The following KIAA1671 variants were observed in gnomAD, a reference collection of about 807,000 sequenced individuals.
The protein encoded by KIAA1671 is uncharacterized protein KIAA1671.
KIAA1671 carries 52 observed loss-of-function variants against 131.2 expected under a neutral mutation model. That is an observed-to-expected ratio of 0.40 (90% CI 0.32 to 0.50). The LOEUF (loss-of-function observed/expected upper bound fraction) is 0.50. KIAA1671 is among the 20% of genes least tolerant of loss of function. The pLI is 0.73. For synonymous variants in KIAA1671, 1,003 were observed against 961.6 expected (o/e 1.04, Z -0.80); for missense variants, 2,360 against 2,364.2 (o/e 1.00, Z 0.04).
At chr22:25,155,935 AAT>A (rs1205399917) in intron 6 of KIAA1671, among the ~76,000 whole-genome samples, 4 of 137,642 alleles carry the variant, frequency 2.9e-5, no homozygotes, top group Non-Finnish European at 6.3e-5. Flanking sequence ...TATTTATATA[AAT>A]ATATATAAAT....
rs1926071026 is a variant in KIAA1671, at chr22:25,028,333, G to A, written c.334G>A (p.Gly112Ser). ...AAKDLDNRMPGLVGQEVGSGE... is the reference protein window; with the variant it reads ...AAKDLDNRMPSLVGQEVGSGE... ...AAAGGATCTGGACAACAGGATGCCC[G>A]GCTTGGTGGGGCAGGAGGTGGGCAG... is the stretch of plus-strand genomic sequence containing the variant. The change falls in exon 3 of 13, where the codon GGC (glycine) becomes AGC (serine). Residue 112 changes from glycine (G) to serine (S), a missense_variant. By Grantham distance (56) the Gly-to-Ser change is moderately conservative. Coordinates refer to ENST00000358431, the MANE Select transcript of KIAA1671 (RefSeq NM_001145206.2). 1.9e-6 allele frequency: 3 copies of A among 1,550,680 alleles called. No individual in the cohort carries two copies. Among genetic ancestry groups the A allele is most frequent in the South Asian group, 1.2e-5 (1 of 84,068 alleles).
intron 6 of KIAA1671, among the ~76,000 whole-genome samples, chr22:25,093,838 GTCTC>G (rs56200570): frequency 0.067 from 1,308 of 19,478 alleles, 113 homozygotes; most frequent in East Asian, 0.23. Flanking sequence ...CTCTCTGTCT[GTCTC>G]TCTCTCTCTC....
At chr22:25,111,954 C>T (rs1318823374) in intron 6 of KIAA1671, 10 of 346,508 alleles carry the variant, frequency 2.9e-5, no homozygotes, top group Non-Finnish European at 4.7e-5. Context: ...ACTTAGCTGC[C>T]TCTTAATTCT....
chr22:25,132,874 G>A (rs1291557962), intron 6 of KIAA1671, among the ~76,000 whole-genome samples: 2 of 152,186 alleles, frequency 1.3e-5, no homozygotes, highest in East Asian at 3.9e-4. Context: ...GGCCAACATG[G>A]CGAAATCCCA....
intron 1 of KIAA1671, among the ~76,000 whole-genome samples, chr22:25,021,193 G>T (rs1925646582): frequency 6.6e-6 from 1 of 151,964 alleles, no homozygotes; most frequent in Non-Finnish European, 1.5e-5. Context: ...GAGTAGCTGG[G>T]ACTATAGGCA....
chr22:24,981,822 G>C (rs763264831), intron 1 of KIAA1671, among the ~76,000 whole-genome samples: 3 of 152,214 alleles, frequency 2.0e-5, no homozygotes, highest in African/African-American at 7.2e-5. Flanking sequence ...GTGGAGGACT[G>C]CTTGAGCCTG....
chr22:25,118,138 CAAAAAAAA>C (rs56262467), intron 6 of KIAA1671, among the ~76,000 whole-genome samples: 1 of 117,806 alleles, frequency 8.5e-6, no homozygotes, highest in Admixed American at 9.0e-5. Context: ...AACTCTGTCT[CAAAAAAAA>C]AAAAAAAAAA....
intron 9 of KIAA1671, among the ~76,000 whole-genome samples, chr22:25,180,775 T>C (rs1365928309): frequency 6.6e-6 from 1 of 152,226 alleles, no homozygotes; most frequent in African/African-American, 2.4e-5. Flanking sequence ...CTCCCACTCC[T>C]ATCCCATTTC....
rs73401817 is a variant in KIAA1671 at position 25,122,145 on chromosome 22, G to A, written c.4531-48675G>A. Reference sequence around the variant, plus strand: ...GTGGAACTGCAGCACAACGCTTGGTGCATAATAGTGAGGTAGGAAGTGGGA... The same window carrying A: ...GTGGAACTGCAGCACAACGCTTGGTACATAATAGTGAGGTAGGAAGTGGGA... On this transcript the variant is annotated intron_variant, in intron 6 of 12. Coordinates refer to ENST00000358431, the MANE Select transcript of KIAA1671 (RefSeq NM_001145206.2). Among the ~76,000 whole-genome samples the A allele has an allele frequency of 1.3e-3, 196 of 152,288 alleles. 1 individual carries two copies. The highest frequency in any genetic ancestry group is 4.6e-3 in the African/African-American group (190 of 41,544).
At chr22:25,126,149 G>T (rs1932176182) in intron 6 of KIAA1671, among the ~76,000 whole-genome samples, 1 of 152,144 alleles carries the variant, frequency 6.6e-6, no homozygotes, top group East Asian at 1.9e-4. Context: ...ACTCTTCACG[G>T]TCTATTAATT....
chr22:24,979,813 A>G (rs941236643), intron 1 of KIAA1671, among the ~76,000 whole-genome samples: 1 of 152,122 alleles, frequency 6.6e-6, no homozygotes, highest in Non-Finnish European at 1.5e-5. Context: ...ACCCCTGGCA[A>G]CCACTGTTTT....
chr22:25,174,051 T>TA (rs896201313), intron 7 of KIAA1671, among the ~76,000 whole-genome samples, 189 bp from the exon 8 acceptor site: 4 of 152,152 alleles, frequency 2.6e-5, no homozygotes, highest in African/African-American at 9.6e-5. Context: ...GGCAGTGCCT[T>TA]AGACAGCACC....
chr22:25,112,050 T>C, intron 6 of KIAA1671: 1 of 393,202 alleles, frequency 2.5e-6, no homozygotes, highest in Non-Finnish European at 4.5e-6. Context: ...CTGTTTTTAA[T>C]TTTTTTTCCT....
At chr22:25,175,980 GGGAGGC>G (rs1294137391) in intron 8 of KIAA1671, 5 of 152,256 alleles carry the variant, frequency 3.3e-5, no homozygotes, top group Non-Finnish European at 7.3e-5. Context: ...AGGCCAAATG[GGGAGGC>G]GGAGGCGGAG....
At chr22:25,067,401 A>G (rs1181895674) in intron 6 of KIAA1671, among the ~76,000 whole-genome samples, 4 of 151,832 alleles carry the variant, frequency 2.6e-5, no homozygotes, top group Non-Finnish European at 5.9e-5. Flanking sequence ...AGTCTGGCTT[A>G]CTTTCTCTGA....
At chr22:24,980,352 A>G (rs547133552) in intron 1 of KIAA1671, among the ~76,000 whole-genome samples, 20 of 149,018 alleles carry the variant, frequency 1.3e-4, no homozygotes, top group African/African-American at 4.8e-4. Flanking sequence ...GCTTACTGCA[A>G]CCTCCACCTC....
chr22:25,075,352 T>C (rs989668708), intron 6 of KIAA1671, among the ~76,000 whole-genome samples: 3 of 152,184 alleles, frequency 2.0e-5, no homozygotes, highest in African/African-American at 7.2e-5. Context: ...TGAGAAACCT[T>C]GTCTTATTCT....
intron 2 of KIAA1671, among the ~76,000 whole-genome samples, chr22:25,026,679 A>C (rs1602077208): frequency 6.6e-6 from 1 of 152,182 alleles, no homozygotes; most frequent in Non-Finnish European, 1.5e-5. Flanking sequence ...GCTGTGAGCC[A>C]AGGTCGCGCC....
chr22:25,111,174 C>A (rs1601324458), intron 6 of KIAA1671, among the ~76,000 whole-genome samples: 1 of 152,216 alleles, frequency 6.6e-6, no homozygotes, highest in Admixed American at 6.5e-5. Context: ...AGGCAGAAGC[C>A]GTTTCCCAGC....
Sources: gnomAD v4.1 joint callset for allele counts (sites outside exome capture counted in the v4.1 genomes callset) on GRCh38, gnomAD v4.1.1 for gene constraint, MANE v1.5 for transcripts, NCBI Gene and HGNC (gene_info 2026-07-23, HGNC 2026-07-21) for gene names.